Variants in PPP1R16B observed in about 807,000 individuals in gnomAD.
The protein encoded by PPP1R16B is protein phosphatase 1 regulatory inhibitor subunit 16B.
A neutral mutation model predicts 61.7 loss-of-function variants in PPP1R16B; 14 were observed. The observed-to-expected ratio is 0.23, with a 90% CI of 0.15 to 0.35. The LOEUF (loss-of-function observed/expected upper bound fraction) is 0.35, where lower values mean the gene tolerates loss of function less well. Ranked by LOEUF, PPP1R16B falls within the 10% of genes least tolerant of loss-of-function variation. PPP1R16B has a pLI of 1.00. For synonymous variants in PPP1R16B, 266 were observed against 305.3 expected, an observed-to-expected ratio of 0.87 and a Z score of 1.34; for missense variants, 547 against 752.5, an observed-to-expected ratio of 0.73 and a Z score of 3.19.
chr20:38,863,325 G>C (rs2085067237), intron 2 of PPP1R16B, among the ~76,000 whole-genome samples: 1 of 152,182 alleles, frequency 6.6e-6, no homozygotes, highest in African/African-American at 2.4e-5. Flanking sequence ...CATGAACTTG[G>C]CTGGTGTCAT....
intron 1 of PPP1R16B, among the ~76,000 whole-genome samples, chr20:38,817,363 G>A (rs1340298531): frequency 6.6e-6 from 1 of 151,940 alleles, no homozygotes; most frequent in Admixed American, 6.6e-5. Flanking sequence ...AGGAGTTCAA[G>A]ACCGGCCTAG....
At chr20:38,813,391 T>G (rs2084713830) in intron 1 of PPP1R16B, among the ~76,000 whole-genome samples, 1 of 152,200 alleles carries the variant, frequency 6.6e-6, no homozygotes, top group African/African-American at 2.4e-5. Context: ...AATCAGCCAA[T>G]ATAGGGCCCT....
rs1387275405 is a variant in PPP1R16B at position 38,922,254 on chromosome 20, A to G, written c.*3588A>G. The G allele has an allele frequency of 6.6e-6, 1 of 152,658 alleles. No individual in the cohort carries two copies. Among genetic ancestry groups the G allele is most frequent in the African/African-American group, 2.4e-5 (1 of 41,424 alleles). The allele number at this position is 152,658 out of a possible 1,614,324, so 9.5% of individuals were successfully genotyped here. On this transcript the variant is annotated 3_prime_UTR_variant, in exon 11 of 11. Coordinates refer to ENST00000299824, the MANE Select transcript of PPP1R16B (RefSeq NM_015568.4). ...AAGGGTGTGTCCCCTGTCCTGCCCC[A>G]CCGGTTTGCTGGCTTTGTAATAACA...
chr20:38,886,201 G>C (rs2085243681), intron 2 of PPP1R16B, among the ~76,000 whole-genome samples: 1 of 152,182 alleles, frequency 6.6e-6, no homozygotes, highest in South Asian at 2.1e-4. Flanking sequence ...TGGGCTCCTA[G>C]GTACATTGGA....
chr20:38,847,635 G>A (rs2084943367), intron 2 of PPP1R16B, among the ~76,000 whole-genome samples: 1 of 152,176 alleles, frequency 6.6e-6, no homozygotes, highest in African/African-American at 2.4e-5. Flanking sequence ...GGGATTACAT[G>A]CATGAGCCAC....
At chr20:38,910,695 G>A (rs2085481830) in intron 10 of PPP1R16B, among the ~76,000 whole-genome samples, 1 of 151,908 alleles carries the variant, frequency 6.6e-6, no homozygotes. Flanking sequence ...CACCATGCCT[G>A]GCTAATTAAA....
At chr20:38,899,902 T>C (rs2085378191) in intron 4 of PPP1R16B, among the ~76,000 whole-genome samples, 1 of 151,902 alleles carries the variant, frequency 6.6e-6, no homozygotes, top group Admixed American at 6.6e-5. Context: ...TTTCAAGCAA[T>C]TCTCATGCCT....
intron 1 of PPP1R16B, among the ~76,000 whole-genome samples, chr20:38,831,126 AT>A (rs1158466498): frequency 6.6e-6 from 1 of 152,186 alleles, no homozygotes; most frequent in Non-Finnish European, 1.5e-5. Context: ...CCTTTGTCGA[AT>A]TGCTTGTTGG....
chr20:38,877,011 T>G (rs2085172441), intron 2 of PPP1R16B, among the ~76,000 whole-genome samples: 1 of 152,192 alleles, frequency 6.6e-6, no homozygotes, highest in South Asian at 2.1e-4. Context: ...AAGTTTTGAC[T>G]CTTTGTTTTT....
intron 7 of PPP1R16B, among the ~76,000 whole-genome samples, 198 bp downstream of exon 7, chr20:38,906,292 T>G (rs973667583): frequency 7.3e-5 from 9 of 123,044 alleles, no homozygotes; most frequent in African/African-American, 1.8e-4. Flanking sequence ...TGTTTTTTTT[T>G]TTTTTTTTTT....
intron 1 of PPP1R16B, among the ~76,000 whole-genome samples, chr20:38,834,361 CA>C (rs1051539744): frequency 1.3e-5 from 2 of 152,174 alleles, no homozygotes; most frequent in Admixed American, 6.5e-5. Context: ...GTGGATAGGA[CA>C]CTTTGCAGGT....
At chr20:38,889,967 C>T (rs1318910311) in intron 3 of PPP1R16B, among the ~76,000 whole-genome samples, 1 of 152,356 alleles carries the variant, frequency 6.6e-6, no homozygotes, top group East Asian at 1.9e-4. Flanking sequence ...TGGAGCTTGA[C>T]AGTGTACGAA....
intron 4 of PPP1R16B, among the ~76,000 whole-genome samples, chr20:38,899,657 G>C (rs1038833401): frequency 6.6e-6 from 1 of 152,314 alleles, no homozygotes; most frequent in South Asian, 2.1e-4. Flanking sequence ...ATATAACTGA[G>C]GATGTTTCTG....
At chr20:38,915,995 C>T (rs2085534649) in intron 10 of PPP1R16B, among the ~76,000 whole-genome samples, 1 of 150,916 alleles carries the variant, frequency 6.6e-6, no homozygotes, top group Non-Finnish European at 1.5e-5. Context: ...TTGAGAAGCA[C>T]TGACTAGGAC....
At chr20:38,832,706 G>A (rs1358384792) in intron 1 of PPP1R16B, among the ~76,000 whole-genome samples, 1 of 152,042 alleles carries the variant, frequency 6.6e-6, no homozygotes, top group Admixed American at 6.5e-5. Flanking sequence ...ATTACCTGAG[G>A]TCAGCAGTTT....
intron 2 of PPP1R16B, among the ~76,000 whole-genome samples, chr20:38,855,975 G>GA (rs2085005193): frequency 2.5e-5 from 3 of 121,630 alleles, no homozygotes; most frequent in African/African-American, 6.3e-5. Flanking sequence ...GAGAGAGAGA[G>GA]AGAGAGAAGG....
intron 2 of PPP1R16B, among the ~76,000 whole-genome samples, chr20:38,841,346 C>G (rs148881316): frequency 9.3e-6 from 1 of 107,626 alleles, no homozygotes; most frequent in Non-Finnish European, 1.7e-5. Context: ...GAGAGCCTGT[C>G]TGTACTGAAA....
chr20:38,879,192 T>A (rs752832484), intron 2 of PPP1R16B, among the ~76,000 whole-genome samples: 1 of 152,124 alleles, frequency 6.6e-6, no homozygotes, highest in Non-Finnish European at 1.5e-5. Context: ...TCCAAGTTCG[T>A]GTTTCTGGAT....
At chr20:38,901,742 A>T (rs2085395588) in intron 5 of PPP1R16B, among the ~76,000 whole-genome samples, 1 of 152,236 alleles carries the variant, frequency 6.6e-6, no homozygotes, top group Non-Finnish European at 1.5e-5. Flanking sequence ...TTATAAAAGT[A>T]TAGGATTATA....
Sources: gnomAD v4.1 joint callset for allele counts (sites outside exome capture counted in the v4.1 genomes callset) on GRCh38, gnomAD v4.1.1 for gene constraint, MANE v1.5 for transcripts, NCBI Gene and HGNC (gene_info 2026-07-23, HGNC 2026-07-21) for gene names.